CYP27A1: variants seen among roughly 807,000 people sequenced by gnomAD.
CYP27A1 encodes cytochrome P450 family 27 subfamily A member 1, also known as sterol 26-hydroxylase, mitochondrial.
In CYP27A1, 46 loss-of-function variants were observed where a neutral mutation model predicts 58.2. The observed-to-expected ratio is 0.79, with a 90% CI of 0.62 to 1.01. The LOEUF is 1.01. Ranked by LOEUF, CYP27A1 falls within the 50% of genes least tolerant of loss-of-function variation. The pLI, the probability that CYP27A1 is intolerant of heterozygous loss-of-function variation, is 0.00. For missense variants in CYP27A1, 704 were observed against 687.0 expected (o/e 1.02, Z -0.28); for synonymous variants, 274 against 285.1 (o/e 0.96, Z 0.39).
rs1392366938 is a variant in CYP27A1, at chr2:218,813,198, C to T, written c.1017+102C>T. Reference sequence around the variant, plus strand: ...TCCCGACCTTCATCCCTCCAAGGACCTGCTTCTTTTTCTGTAACATGGATA... The same window carrying T: ...TCCCGACCTTCATCCCTCCAAGGACTTGCTTCTTTTTCTGTAACATGGATA... On this transcript the variant is annotated intron_variant, in intron 5 of 8. Transcript: ENST00000258415. The T allele has an allele frequency of 6.3e-6, 7 of 1,113,718 alleles. No individual in the cohort carries two copies. The Admixed American group carries it at 1.1e-4, about 17-fold the overall frequency. 69.0% of individuals were successfully genotyped at this position (1,113,718 alleles called of 1,614,324 possible).
Position 218,814,656 on chromosome 2 carries a change from A to T in CYP27A1, c.1375A>T (p.Arg459Trp), listed in dbSNP as rs755008787. 6.2e-7 allele frequency: 1 copy of T among 1,614,162 alleles called. No individual in the cohort carries two copies. The highest frequency in any genetic ancestry group is 8.5e-7 in the Non-Finnish European group (1 of 1,180,008). ...GAGAAACAGCCAGCCTGCTACCCCC[A>T]GGATCCAGCACCCATTTGGCTCTGT... ...WLRNSQPATP[R>W]IQHPFGSVPF... is the part of the protein sequence containing the mutation. The change falls in exon 8 of 9, where the codon AGG (arginine) becomes TGG (tryptophan). Residue 459 changes from arginine to tryptophan, a missense_variant. Transcript: ENST00000258415.
chr2:218,784,544 TAACTA>T (rs1240067261), intron 1 of CYP27A1, among the ~76,000 whole-genome samples: 7 of 152,238 alleles, frequency 4.6e-5, no homozygotes, highest in African/African-American at 1.7e-4. Context: ...GAAGAAATGT[TAACTA>T]TACTATTTTA....
Position 218,782,154 on chromosome 2 carries a change from C to T in CYP27A1, c.-29C>T. The T allele has an allele frequency of 6.5e-7, 1 of 1,533,316 alleles. No homozygotes were observed. Among genetic ancestry groups the T allele is most frequent in the South Asian group, 1.2e-5 (1 of 83,802 alleles). 95.0% of individuals were successfully genotyped at this position (1,533,316 alleles called of 1,614,324 possible). ...CGGGTCCGGGGACTCAGCACTCGAC[C>T]CAAAGGTGCAGGCGCGCGAGCACAA... is the stretch of plus-strand genomic sequence containing the variant. On this transcript the variant is annotated 5_prime_UTR_variant, in exon 1 of 9. Coordinates refer to ENST00000258415, the MANE Select transcript of CYP27A1 (RefSeq NM_000784.4). This position sits in a 1 kb window ranked among gnomAD's most constrained non-coding sequence, Gnocchi z 4.1.
intron 1 of CYP27A1, among the ~76,000 whole-genome samples, chr2:218,783,245 G>A (rs1303205824): frequency 2.0e-5 from 2 of 99,938 alleles, no homozygotes; most frequent in Non-Finnish European, 3.7e-5. Context: ...CAACAAGAGC[G>A]AAACTCTGTC....
rs1264784344 is a variant in CYP27A1, at chr2:218,782,689, G to C, written c.255+252G>C. 9.2e-5 allele frequency among the ~76,000 whole-genome samples: 14 copies of C among 152,184 alleles called. No individual in the cohort carries two copies. Among genetic ancestry groups the C allele is most frequent in the Admixed American group, 9.2e-4 (14 of 15,266 alleles). On this transcript the variant is annotated intron_variant, in intron 1 of 8. Coordinates refer to ENST00000258415, the MANE Select transcript of CYP27A1 (RefSeq NM_000784.4). This position sits in a 1 kb window ranked among gnomAD's most constrained non-coding sequence, Gnocchi z 4.1. ...CCAGTAAGGGGGGGATCTGGACGCC[G>C]GACTTACAGTGAGCAGAGGTTGAGG...
At chr2:218,802,167 C>T (rs978767386) in intron 1 of CYP27A1, among the ~76,000 whole-genome samples, 1 of 151,992 alleles carries the variant, frequency 6.6e-6, no homozygotes. Context: ...CCCGTGCGGC[C>T]TAGCCCTAGC....
chr2:218,815,135 C>A lies in CYP27A1; in HGVS notation c.*105C>A, dbSNP rs1407028916. On this transcript the variant is annotated 3_prime_UTR_variant, in exon 9 of 9. Coordinates refer to ENST00000258415, the MANE Select transcript of CYP27A1 (RefSeq NM_000784.4). ...GATGAGGAGGGAGAGAAGGAGGCCG[C>A]CAGACTCGAGAGGTGGGAGGAACTC... 1 of 1,432,752 alleles carries A rather than the reference C, an allele frequency of 7.0e-7. No individual in the cohort carries two copies. Among genetic ancestry groups the A allele is most frequent in the Non-Finnish European group, 9.7e-7 (1 of 1,029,140 alleles). The allele number at this position is 1,432,752 out of a possible 1,614,324, so 88.8% of individuals were successfully genotyped here.
At chr2:218,797,382 G>A (rs1038732039) in intron 1 of CYP27A1, among the ~76,000 whole-genome samples, 12 of 152,136 alleles carry the variant, frequency 7.9e-5, no homozygotes, top group Non-Finnish European at 1.8e-4. Flanking sequence ...TTACAGGCAC[G>A]AGCCGTTGCG....
At chr2:218,786,014 A>G (rs1014015064) in intron 1 of CYP27A1, among the ~76,000 whole-genome samples, 3 of 152,188 alleles carry the variant, frequency 2.0e-5, no homozygotes, top group Non-Finnish European at 4.4e-5. Context: ...GCTGGGTGTG[A>G]TGGCACAAAC....
At chr2:218,793,886 C>A (rs6741592) in intron 1 of CYP27A1, among the ~76,000 whole-genome samples, 1 of 151,710 alleles carries the variant, frequency 6.6e-6, no homozygotes, top group Non-Finnish European at 1.5e-5. Context: ...GCTAATTTTT[C>A]GTATTTTAGT....
rs10630235 is a variant in CYP27A1, at chr2:218,801,979, C to CTTTTT, written c.256-7586_256-7582dup. Among the ~76,000 whole-genome samples, 531 of 130,572 alleles carry CTTTTT rather than the reference C, an allele frequency of 4.1e-3. 6 individuals carry two copies. Among genetic ancestry groups the CTTTTT allele is most frequent in the Middle Eastern group, 8.3e-3 (2 of 242 alleles). 85.7% of individuals were successfully genotyped at this position (130,572 alleles called of 152,430 possible). On this transcript the variant is annotated intron_variant, in intron 1 of 8. Coordinates refer to ENST00000258415, the MANE Select transcript of CYP27A1 (RefSeq NM_000784.4). ...GGCTGGGGCTGCAGCTGCTAGCAGGCTTTTTTTTTTTTTTTTAATTCCTAT... is the reference window on the plus strand; with the variant it reads ...GGCTGGGGCTGCAGCTGCTAGCAGGCTTTTTTTTTTTTTTTTTTTTTAATTCCTAT...
intron 1 of CYP27A1, among the ~76,000 whole-genome samples, chr2:218,789,624 G>C (rs569926269): frequency 6.6e-6 from 1 of 152,340 alleles, no homozygotes; most frequent in African/African-American, 2.4e-5. Context: ...CTCCATTTAC[G>C]TTATAGTTTG....
chr2:218,803,094 G>A (rs565927799), intron 1 of CYP27A1, among the ~76,000 whole-genome samples: 19 of 152,102 alleles, frequency 1.2e-4, no homozygotes, highest in East Asian at 3.9e-4. Flanking sequence ...ACAAGTGTGC[G>A]CCATCACGCC....
chr2:218,796,757 AAAAAC>A (rs1943551533), intron 1 of CYP27A1, among the ~76,000 whole-genome samples: 2 of 152,222 alleles, frequency 1.3e-5, no homozygotes, highest in African/African-American at 2.4e-5. Flanking sequence ...TTTGACTCTG[AAAAAC>A]AAAACAAGGA....
rs577558935 is a variant in CYP27A1, at chr2:218,814,943, G to A, written c.1509G>A (p.Pro503=). The A allele has an allele frequency of 4.2e-5, 68 of 1,614,230 alleles. 1 individual carries two copies. In the East Asian group the frequency reaches 4.5e-4, roughly 11 times the overall value. ...LIQKYKVVLA[P]ETGELKSVAR... ...AGAAGTACAAGGTGGTCCTGGCCCCGGAGACGGGGGAGTTGAAGAGTGTGG... is the reference window on the plus strand; with the variant it reads ...AGAAGTACAAGGTGGTCCTGGCCCCAGAGACGGGGGAGTTGAAGAGTGTGG... The change falls in exon 9 of 9, where the codon CCG becomes CCA. Residue 503 remains proline (P), a synonymous_variant. Transcript: ENST00000258415.
intron 1 of CYP27A1, 74 bp from the exon 2 acceptor site, chr2:218,809,503 C>T: frequency 1.2e-6 from 1 of 868,132 alleles, no homozygotes; most frequent in South Asian, 1.3e-5. Flanking sequence ...TCAGACCCTT[C>T]CTCACCTCAT....
chr2:218,787,231 G>A (rs1341325052), intron 1 of CYP27A1, among the ~76,000 whole-genome samples: 1 of 152,204 alleles, frequency 6.6e-6, no homozygotes. Flanking sequence ...GAGGTGCCAT[G>A]AGTGGTACTG....
chr2:218,783,038 C>A (rs928974106), intron 1 of CYP27A1, among the ~76,000 whole-genome samples: 6 of 151,964 alleles, frequency 3.9e-5, no homozygotes, highest in Non-Finnish European at 7.4e-5. Flanking sequence ...GGGCAGATTA[C>A]CTGAAGTCAG....
chr2:218,782,218 G>C lies in CYP27A1; in HGVS notation c.36G>C (p.Ala12=). 1.3e-6 allele frequency: 2 copies of C among 1,540,032 alleles called. No homozygotes were observed. The highest frequency in any genetic ancestry group is 1.7e-6 in the Non-Finnish European group (2 of 1,145,952). ...AALGCARLRW[A]LRGAGRGLCP... is the part of the protein sequence containing the mutation. The stretch of plus-strand genomic sequence containing the variant: ...TGGGCTGCGCGAGGCTGAGGTGGGC[G>C]CTGCGAGGGGCCGGCCGTGGCCTCT... The change falls in exon 1 of 9, where the codon GCG becomes GCC. Residue 12 remains alanine, a synonymous_variant. Transcript: ENST00000258415. The surrounding 1 kb of genome is among the most constrained non-coding windows in gnomAD (Gnocchi z 4.1).
Sources: allele counts gnomAD v4.1 joint callset (sites outside exome capture counted in the v4.1 genomes callset), GRCh38; gene constraint gnomAD v4.1.1; non-coding constraint Gnocchi (gnomAD v3.1); transcripts MANE v1.5; gene names NCBI Gene and HGNC (gene_info 2026-07-23, HGNC 2026-07-21).